The following SUFU variants were observed in gnomAD, a reference collection of about 807,000 sequenced individuals.
SUFU encodes SUFU negative regulator of hedgehog signaling.
A neutral mutation model predicts 58.9 loss-of-function variants in SUFU; 7 were observed. The ratio of observed to expected loss-of-function variants is 0.12; its 90% CI spans 0.07 to 0.22. The LOEUF (loss-of-function observed/expected upper bound fraction) is 0.22. SUFU is among the 10% of genes least tolerant of loss of function. The probability of loss-of-function intolerance (pLI) is 1.00; values close to 1 mark genes in which losing one functional copy is unlikely to be tolerated. For synonymous variants in SUFU, 232 were observed against 254.8 expected, an observed-to-expected ratio of 0.91 and a Z score of 0.85; for missense variants, 451 against 641.3, an observed-to-expected ratio of 0.70 and a Z score of 3.20.
At position 102,617,658 on chromosome 10, in the gene SUFU, A is replaced by G; in HGVS notation, c.1296+230A>G. 1 of 626,174 alleles carries G rather than the reference A, an allele frequency of 1.6e-6. No individual in the cohort carries two copies. The allele number at this position is 626,174 out of a possible 1,614,324, so 38.8% of individuals were successfully genotyped here. On this transcript the variant is annotated intron_variant, in intron 10 of 11. Transcript: ENST00000369902. The surrounding 1 kb of genome is among the most constrained non-coding windows in gnomAD (Gnocchi z 4.4). ...CTTCTCCCCCTGTCACCTGAGACAC[A>G]AGTGTTAACTCTCCAGGCCCTGGCT...
At chr10:102,571,543 A>G (rs967038187) in intron 3 of SUFU, among the ~76,000 whole-genome samples, 2 of 152,224 alleles carry the variant, frequency 1.3e-5, no homozygotes, top group East Asian at 1.9e-4. Context: ...ACAAAAAATT[A>G]GCCAGGCATG....
chr10:102,592,835 G>C, intron 4 of SUFU, 111 bp downstream of exon 4: 1 of 1,272,302 alleles, frequency 7.9e-7, no homozygotes, highest in Non-Finnish European at 1.1e-6. Context: ...CTTTGGCCTC[G>C]TCCTGATTTC....
chr10:102,615,512 C>A (rs913857720), intron 9 of SUFU, 110 bp downstream of exon 9: 1 of 1,536,842 alleles, frequency 6.5e-7, no homozygotes, highest in Non-Finnish European at 8.9e-7. Context: ...TCCTCCAGGG[C>A]CTCCAAGGAG....
intron 7 of SUFU, among the ~76,000 whole-genome samples, chr10:102,599,082 A>G (rs1052726961): frequency 6.6e-6 from 1 of 152,112 alleles, no homozygotes; most frequent in Non-Finnish European, 1.5e-5. Flanking sequence ...CATCCATTTC[A>G]GTGGGCAGAA....
At chr10:102,570,985 TA>T (rs988006884) in intron 3 of SUFU, among the ~76,000 whole-genome samples, 4 of 148,762 alleles carry the variant, frequency 2.7e-5, no homozygotes, top group Non-Finnish European at 4.5e-5. Flanking sequence ...TCTTGGATTC[TA>T]AAAAAAAAAC....
intron 2 of SUFU, among the ~76,000 whole-genome samples, chr10:102,512,179 C>T (rs1403880730): frequency 6.6e-6 from 1 of 152,188 alleles, no homozygotes; most frequent in Non-Finnish European, 1.5e-5. Flanking sequence ...CAAATGGATT[C>T]ATTGCAGTGT....
chr10:102,525,191 A>G (rs2062596328), intron 2 of SUFU, among the ~76,000 whole-genome samples: 1 of 150,100 alleles, frequency 6.7e-6, no homozygotes, highest in African/African-American at 2.5e-5. Flanking sequence ...GCTCACTGCA[A>G]CCTCCACCTC....
chr10:102,526,787 C>T (rs1242204449), intron 2 of SUFU, among the ~76,000 whole-genome samples: 1 of 151,990 alleles, frequency 6.6e-6, no homozygotes, highest in Non-Finnish European at 1.5e-5. Flanking sequence ...TTGTACAATG[C>T]TGGGAGTCCT....
intron 3 of SUFU, among the ~76,000 whole-genome samples, chr10:102,564,097 C>A (rs1014317139): frequency 6.6e-6 from 1 of 152,330 alleles, no homozygotes; most frequent in East Asian, 1.9e-4. Flanking sequence ...AGAGGGAGAT[C>A]AGGCTTTGCC....
intron 3 of SUFU, among the ~76,000 whole-genome samples, chr10:102,557,072 C>T (rs1564679646): frequency 6.6e-6 from 1 of 151,618 alleles, no homozygotes; most frequent in Non-Finnish European, 1.5e-5. Flanking sequence ...TAGAGCGAGA[C>T]TCCCTCTCAA....
chr10:102,552,075 A>G (rs1480221825), intron 3 of SUFU, among the ~76,000 whole-genome samples: 1 of 152,098 alleles, frequency 6.6e-6, no homozygotes, highest in Non-Finnish European at 1.5e-5. Flanking sequence ...AACATCAACT[A>G]TGTAGCATTT....
intron 8 of SUFU, among the ~76,000 whole-genome samples, chr10:102,609,364 A>G (rs551170461): frequency 1.3e-5 from 2 of 152,324 alleles, no homozygotes; most frequent in East Asian, 1.9e-4. Flanking sequence ...ATAGGTCTGT[A>G]GAGAATACTT....
At chr10:102,517,032 A>C (rs1162509853) in intron 2 of SUFU, among the ~76,000 whole-genome samples, 1 of 151,168 alleles carries the variant, frequency 6.6e-6, no homozygotes, top group Non-Finnish European at 1.5e-5. Context: ...CTGAGACAGG[A>C]GAATCGCTTG....
Position 102,617,530 on chromosome 10 carries a change from G to A in SUFU, c.1296+102G>A. On this transcript the variant is annotated intron_variant, in intron 10 of 11. Coordinates refer to ENST00000369902, the MANE Select transcript of SUFU (RefSeq NM_016169.4). This position sits in a 1 kb window ranked among gnomAD's most constrained non-coding sequence, Gnocchi z 4.4. ...CTCTTGATGGCACCCCTTCCTGGGG[G>A]GCTGGTCATGAATGCCTCATGGATT... 6.5e-7 allele frequency: 1 copy of A among 1,543,906 alleles called. No homozygotes were observed. The highest frequency in any genetic ancestry group is 8.9e-7 in the Non-Finnish European group (1 of 1,119,458).
chr10:102,521,513 C>T (rs939008716), intron 2 of SUFU, among the ~76,000 whole-genome samples: 5 of 152,126 alleles, frequency 3.3e-5, no homozygotes, highest in East Asian at 1.9e-4. Context: ...ATGAGTTCTC[C>T]ACCTTATATT....
chr10:102,578,922 T>C (rs573402000), intron 3 of SUFU, among the ~76,000 whole-genome samples: 2 of 151,108 alleles, frequency 1.3e-5, no homozygotes, highest in East Asian at 3.9e-4. Flanking sequence ...GCCTTGTGTG[T>C]AGGTGGCAGG....
Position 102,521,195 on chromosome 10 carries a change from T to C in SUFU, c.317+11892T>C, listed in dbSNP as rs544841535. Reference sequence around the variant, plus strand: ...AGGTGTGGAGTGGTATCTAATTGTTTTAATTTGCAGTTCTCTCATGACATA... The same window carrying C: ...AGGTGTGGAGTGGTATCTAATTGTTCTAATTTGCAGTTCTCTCATGACATA... On this transcript the variant is annotated intron_variant, in intron 2 of 11. Coordinates refer to ENST00000369902, the MANE Select transcript of SUFU (RefSeq NM_016169.4). Among the ~76,000 whole-genome samples the C allele has an allele frequency of 2.6e-5, 4 of 152,324 alleles. No homozygotes were observed. In the South Asian group the frequency reaches 8.3e-4, roughly 32 times the overall value.
chr10:102,578,375 C>T (rs565565692), intron 3 of SUFU, among the ~76,000 whole-genome samples: 2 of 151,990 alleles, frequency 1.3e-5, no homozygotes, highest in South Asian at 2.1e-4. Flanking sequence ...GTCAGGAGTT[C>T]GAGACCAGCC....
At chr10:102,597,343 C>T in intron 7 of SUFU, 50 bp downstream of exon 7, 2 of 1,591,506 alleles carry the variant, frequency 1.3e-6, no homozygotes, top group Non-Finnish European at 1.7e-6. Context: ...TCCTTTTCCC[C>T]AGGGCCTGGT....
Sources: gnomAD v4.1 joint callset for allele counts (sites outside exome capture counted in the v4.1 genomes callset) on GRCh38, gnomAD v4.1.1 for gene constraint, Gnocchi (gnomAD v3.1) non-coding constraint, MANE v1.5 for transcripts, NCBI Gene and HGNC (gene_info 2026-07-23, HGNC 2026-07-21) for gene names.